NSUN6: variants seen among roughly 807,000 people sequenced by gnomAD.
NSUN6 encodes the protein NOP2/Sun RNA methyltransferase 6, also known as tRNA (cytosine(72)-C(5))-methyltransferase NSUN6.
A neutral mutation model predicts 58.0 loss-of-function variants in NSUN6; 64 were observed. That is an observed-to-expected ratio of 1.10 (90% CI 0.90 to 1.36). The LOEUF (loss-of-function observed/expected upper bound fraction) is 1.36, where lower values mean the gene tolerates loss of function less well. NSUN6 is among the 40% of genes most tolerant of loss of function. The pLI is 0.00. For synonymous variants in NSUN6, 231 were observed against 193.9 expected (o/e 1.19, Z -1.59); for missense variants, 701 against 550.1 (o/e 1.27, Z -2.74).
intron 8 of NSUN6, among the ~76,000 whole-genome samples, chr10:18,564,143 C>T (rs145869149): frequency 8.1e-4 from 123 of 151,100 alleles, no homozygotes; most frequent in Middle Eastern, 6.9e-3. Flanking sequence ...TTTCCCAGTC[C>T]ATTCTCCATT....
chr10:18,551,148 A>C (rs1003602458), intron 9 of NSUN6, among the ~76,000 whole-genome samples: 6 of 151,930 alleles, frequency 3.9e-5, no homozygotes, highest in African/African-American at 1.5e-4. Context: ...AAATTTATTA[A>C]ATATCTCAGT....
chr10:18,629,403 A>C (rs1184117609), intron 3 of NSUN6, among the ~76,000 whole-genome samples: 1 of 151,838 alleles, frequency 6.6e-6, no homozygotes, highest in Admixed American at 6.6e-5. Context: ...CACACATAAC[A>C]ATATTAACTT....
chr10:18,564,938 A>T (rs575683606), intron 8 of NSUN6, among the ~76,000 whole-genome samples: 34 of 144,154 alleles, frequency 2.4e-4, no homozygotes, highest in Admixed American at 2.2e-3. Context: ...ATTCCATTCC[A>T]TTTCATTGCA....
At chr10:18,641,194 T>C (rs1344689286) in intron 3 of NSUN6, among the ~76,000 whole-genome samples, 3 of 152,152 alleles carry the variant, frequency 2.0e-5, no homozygotes, top group African/African-American at 7.2e-5. Flanking sequence ...ACCACTGCTC[T>C]ATTGCTGCCC....
upstream of NSUN6, chr10:18,652,040 T>A (rs1225392701): frequency 2.0e-6 from 2 of 985,314 alleles, no homozygotes; most frequent in African/African-American, 3.5e-5. Flanking sequence ...CAGATCTGAC[T>A]TCAGTTGTGA....
chr10:18,616,116 A>T, intron 4 of NSUN6, 68 bp downstream of exon 4: 1 of 939,056 alleles, frequency 1.1e-6, no homozygotes, highest in Non-Finnish European at 1.7e-6. Context: ...CAAATCAATA[A>T]ATTTTCCATT....
chr10:18,569,558 T>C (rs1249339244), intron 8 of NSUN6, among the ~76,000 whole-genome samples: 1 of 150,682 alleles, frequency 6.6e-6, no homozygotes, highest in Non-Finnish European at 1.5e-5. Flanking sequence ...GTCCTTTCCA[T>C]TCTCCCTTCC....
intron 8 of NSUN6, among the ~76,000 whole-genome samples, chr10:18,557,131 T>C (rs1415746367): frequency 6.7e-6 from 1 of 149,428 alleles, no homozygotes; most frequent in African/African-American, 2.5e-5. Context: ...AAGTAGAGAA[T>C]GGAATGGAAT....
chr10:18,621,518 G>A (rs185303999), intron 3 of NSUN6, among the ~76,000 whole-genome samples: 1 of 152,288 alleles, frequency 6.6e-6, no homozygotes, highest in East Asian at 1.9e-4. Flanking sequence ...TGTTGAAAGG[G>A]AGTTTTTACT....
At position 18,584,806 on chromosome 10, in the gene NSUN6, C is replaced by T. The variant is rs79604928; in HGVS notation, c.922+1143G>A. ...CAAGAGAAAAACAACTTGCCATGTACTAGGGAACTATAAAAGATTAGCAGT... is the reference window on the plus strand; with the variant it reads ...CAAGAGAAAAACAACTTGCCATGTATTAGGGAACTATAAAAGATTAGCAGT... On this transcript the variant is annotated intron_variant, in intron 8 of 10. Coordinates refer to ENST00000377304, the MANE Select transcript of NSUN6 (RefSeq NM_182543.5). Among the ~76,000 whole-genome samples, 635 of 151,614 alleles carry T rather than the reference C, an allele frequency of 4.2e-3. 7 individuals are homozygous for T. Among genetic ancestry groups the T allele is most frequent in the African/African-American group, 0.014 (590 of 41,334 alleles).
intron 3 of NSUN6, among the ~76,000 whole-genome samples, chr10:18,620,390 A>G (rs2058563670): frequency 6.6e-6 from 1 of 152,168 alleles, no homozygotes; most frequent in Non-Finnish European, 1.5e-5. Context: ...CCCGACAATA[A>G]AAATTCTTTA....
chr10:18,652,511 TAATG>T (rs2059726786), upstream of NSUN6: 1 of 984,052 alleles, frequency 1.0e-6, no homozygotes, highest in African/African-American at 1.8e-5. Flanking sequence ...GAGTAGAAAA[TAATG>T]AATGACCATT....
intron 6 of NSUN6, among the ~76,000 whole-genome samples, chr10:18,604,139 G>A (rs2057958803): frequency 1.3e-5 from 2 of 152,258 alleles, no homozygotes; most frequent in African/African-American, 2.4e-5. Flanking sequence ...CTGAGATCGT[G>A]CCGCTGCACT....
Position 18,596,218 on chromosome 10 carries a change from A to G in NSUN6, c.767T>C (p.Met256Thr). ...TGAAGACAGTCTCACCTGATCATGC[A>G]TTAGTGCTGCAATGTGTGTTGTTTT... Reference protein sequence around the residue: ...GGKTTHIAALMHDQGEVIALD... With the variant: ...GGKTTHIAALTHDQGEVIALD... The change falls in exon 7 of 11, where the codon ATG becomes ACG. Residue 256 changes from methionine (M) to threonine (T), a missense_variant. Coordinates refer to ENST00000377304, the MANE Select transcript of NSUN6 (RefSeq NM_182543.5). The G allele has an allele frequency of 2.5e-6, 4 of 1,611,560 alleles. No individual in the cohort carries two copies. Among genetic ancestry groups the G allele is most frequent in the Non-Finnish European group, 3.4e-6 (4 of 1,177,682 alleles).
chr10:18,628,463 C>T (rs968364375), intron 3 of NSUN6, among the ~76,000 whole-genome samples: 4 of 152,002 alleles, frequency 2.6e-5, no homozygotes, highest in South Asian at 2.1e-4. Context: ...CTCCGAGCTA[C>T]GGGAGGAAAT....
intron 1 of NSUN6, 100 bp downstream of exon 1, chr10:18,651,029 C>A (rs1315441065): frequency 4.2e-6 from 6 of 1,413,574 alleles, no homozygotes; most frequent in Non-Finnish European, 5.7e-6. Context: ...TAAGGAACGA[C>A]GGCTGTCAAG....
intron 8 of NSUN6, among the ~76,000 whole-genome samples, chr10:18,555,771 C>T (rs1000768716): frequency 6.1e-4 from 74 of 120,608 alleles, no homozygotes; most frequent in African/African-American, 1.5e-3. Flanking sequence ...TGGAAAAGAG[C>T]GGAATGGAAT....
At chr10:18,569,291 T>A (rs1235295175) in intron 8 of NSUN6, among the ~76,000 whole-genome samples, 1 of 150,834 alleles carries the variant, frequency 6.6e-6, no homozygotes, top group Non-Finnish European at 1.5e-5. Flanking sequence ...CATACCATCC[T>A]CCATTCCATT....
chr10:18,594,430 TG>T (rs1251097157), intron 7 of NSUN6, among the ~76,000 whole-genome samples: 4 of 121,290 alleles, frequency 3.3e-5, no homozygotes, highest in South Asian at 2.7e-4. Context: ...AGACACTTTC[TG>T]TTTTTTTTTG....
Sources: allele counts gnomAD v4.1 joint callset (sites outside exome capture counted in the v4.1 genomes callset), GRCh38; gene constraint gnomAD v4.1.1; transcripts MANE v1.5; gene names NCBI Gene and HGNC (gene_info 2026-07-23, HGNC 2026-07-21).